Variants in CCDC73 observed in about 807,000 individuals in gnomAD.
CCDC73 encodes the protein coiled-coil domain-containing protein 73.
CCDC73 carries 95 observed loss-of-function variants against 116.5 expected under a neutral mutation model. The ratio of observed to expected loss-of-function variants is 0.82; its 90% CI spans 0.69 to 0.97. The LOEUF is 0.97. Among genes scored for constraint, CCDC73 ranks in the 50% least tolerant of loss-of-function variants. The probability of loss-of-function intolerance (pLI) is 0.00; values close to 1 mark genes in which losing one functional copy is unlikely to be tolerated. For synonymous variants in CCDC73, 398 were observed against 401.3 expected, an observed-to-expected ratio of 0.99 and a Z score of 0.10; for missense variants, 1,066 against 1,206.8, an observed-to-expected ratio of 0.88 and a Z score of 1.73.
chr11:32,771,820 C>T (rs1201794717), intron 1 of CCDC73, among the ~76,000 whole-genome samples: 1 of 152,210 alleles, frequency 6.6e-6, no homozygotes, highest in African/African-American at 2.4e-5. Flanking sequence ...GGTCACTTCT[C>T]CCTTCCAGAG....
At chr11:32,758,347 G>A in intron 2 of CCDC73, 3 of 504,672 alleles carry the variant, frequency 5.9e-6, no homozygotes, top group Non-Finnish European at 3.9e-6. Flanking sequence ...CAAACCCCTG[G>A]TAATAGAATT....
chr11:32,697,055 G>A (rs533388569), intron 6 of CCDC73, among the ~76,000 whole-genome samples: 1 of 151,108 alleles, frequency 6.6e-6, no homozygotes, highest in African/African-American at 2.4e-5. Context: ...GGCTGGTCTC[G>A]AACTCATGGG....
chr11:32,695,884 T>C (rs1856306878), intron 6 of CCDC73, among the ~76,000 whole-genome samples: 1 of 151,694 alleles, frequency 6.6e-6, no homozygotes, highest in African/African-American at 2.4e-5. Context: ...AATTGAAACT[T>C]GAAAAAATGA....
At position 32,761,167 on chromosome 11, in the gene CCDC73, G is replaced by A. The variant is rs1023387385; in HGVS notation, c.-15-909C>T. Among the ~76,000 whole-genome samples the A allele has an allele frequency of 7.9e-5, 12 of 151,902 alleles. No homozygotes were observed. The East Asian group carries it at 1.2e-3, about 15-fold the overall frequency. On this transcript the variant is annotated intron_variant, in intron 1 of 17. Coordinates refer to ENST00000335185, the MANE Select transcript of CCDC73 (RefSeq NM_001008391.4). ...AAATACTAATCTGTTATCTATCTCC[G>A]TAATTTTGTTGTTTCAAGAGTGCTC... is the stretch of plus-strand genomic sequence containing the variant.
At chr11:32,762,960 C>T (rs896291490) in intron 1 of CCDC73, among the ~76,000 whole-genome samples, 1 of 152,196 alleles carries the variant, frequency 6.6e-6, no homozygotes, top group African/African-American at 2.4e-5. Context: ...TATCCTGCGC[C>T]TGGCTCGGAG....
intron 14 of CCDC73, among the ~76,000 whole-genome samples, chr11:32,621,308 T>C (rs1045252911): frequency 7.2e-5 from 11 of 152,100 alleles, no homozygotes; most frequent in Non-Finnish European, 1.3e-4. Flanking sequence ...CAACTTGGTA[T>C]TGGTACCAAA....
chr11:32,658,341 A>G (rs1855893034), intron 9 of CCDC73, among the ~76,000 whole-genome samples: 1 of 152,248 alleles, frequency 6.6e-6, no homozygotes, highest in Non-Finnish European at 1.5e-5. Context: ...ATTGAGAGAA[A>G]GCATTTCAAG....
intron 9 of CCDC73, among the ~76,000 whole-genome samples, chr11:32,668,610 C>T (rs2133280296): frequency 6.6e-6 from 1 of 152,230 alleles, no homozygotes; most frequent in South Asian, 2.1e-4. Context: ...CACAAAGGTT[C>T]ATGGTCAATT....
chr11:32,804,760 G>T, the CCDC73 span, among the ~76,000 whole-genome samples: 1 of 152,136 alleles, frequency 6.6e-6, no homozygotes, highest in Non-Finnish European at 1.5e-5. Context: ...AAAAGATTTA[G>T]TCTATAACCT....
At position 32,710,795 on chromosome 11, in the gene CCDC73, C is replaced by T. The variant is rs1849894128; in HGVS notation, c.207+7281G>A. Among the ~76,000 whole-genome samples the T allele has an allele frequency of 2.6e-5, 4 of 152,058 alleles. 1 individual carries two copies. Among genetic ancestry groups the T allele is most frequent in the Admixed American group, 2.6e-4 (4 of 15,260 alleles). On this transcript the variant is annotated intron_variant, in intron 3 of 17. Transcript: ENST00000335185. ...ACTGTCAGTGGAGTATTAAAGTCCC[C>T]CACTATTATTGTGTTGCCATCTATC...
At chr11:32,750,297 CCA>C (rs1176944895) in intron 2 of CCDC73, among the ~76,000 whole-genome samples, 1 of 152,182 alleles carries the variant, frequency 6.6e-6, no homozygotes, top group Non-Finnish European at 1.5e-5. Flanking sequence ...AGACCTGAAC[CCA>C]GTACAGCACT....
chr11:32,678,604 G>C (rs372240089), intron 7 of CCDC73, among the ~76,000 whole-genome samples: 2 of 151,966 alleles, frequency 1.3e-5, no homozygotes, highest in South Asian at 2.1e-4. Flanking sequence ...TTCACGAAGG[G>C]CTGGGTCATG....
At chr11:32,798,212 C>T (rs1850739295), upstream of CCDC73, among the ~76,000 whole-genome samples, 1 of 152,236 alleles carries the variant, frequency 6.6e-6, no homozygotes, top group African/African-American at 2.4e-5. Flanking sequence ...TAGTACCTAC[C>T]TCTAAGATAC....
At chr11:32,667,701 T>C (rs1053098073) in intron 9 of CCDC73, among the ~76,000 whole-genome samples, 1 of 152,204 alleles carries the variant, frequency 6.6e-6, no homozygotes, top group African/African-American at 2.4e-5. Context: ...CCCAATGAGA[T>C]GAACCTGGTA....
the CCDC73 span, among the ~76,000 whole-genome samples, chr11:32,812,870 A>C: frequency 0.53 from 81,262 of 151,908 alleles, 21,886 homozygotes; most frequent in South Asian, 0.67. Context: ...ACCAAACTGT[A>C]ACTGAAATTT....
intron 2 of CCDC73, among the ~76,000 whole-genome samples, chr11:32,759,075 A>C (rs572220877): frequency 6.6e-6 from 1 of 152,080 alleles, no homozygotes; most frequent in South Asian, 2.1e-4. Flanking sequence ...TATTTTCAGA[A>C]AGTCAGTAAA....
chr11:32,744,367 C>T (rs929446474), intron 2 of CCDC73, among the ~76,000 whole-genome samples: 90 of 152,208 alleles, frequency 5.9e-4, no homozygotes, highest in Admixed American at 2.2e-3. Context: ...GCCTAAAATT[C>T]TCTCTTTTTA....
intron 14 of CCDC73, among the ~76,000 whole-genome samples, chr11:32,625,462 T>C (rs918187226): frequency 2.6e-5 from 4 of 152,228 alleles, no homozygotes; most frequent in African/African-American, 9.6e-5. Context: ...GGAGCTCTTA[T>C]AGGGCAGGCC....
At chr11:32,737,488 C>T (rs1050491801) in intron 2 of CCDC73, among the ~76,000 whole-genome samples, 3 of 151,966 alleles carry the variant, frequency 2.0e-5, no homozygotes, top group African/African-American at 7.3e-5. Context: ...CATGGTGGCA[C>T]AAACCTGTTA....
Sources: allele counts gnomAD v4.1 joint callset (sites outside exome capture counted in the v4.1 genomes callset), GRCh38; gene constraint gnomAD v4.1.1; transcripts MANE v1.5; gene names NCBI Gene and HGNC (gene_info 2026-07-23, HGNC 2026-07-21).